Variants in GHITM observed in about 807,000 individuals in gnomAD.
The protein encoded by GHITM is growth hormone-inducible transmembrane protein.
A neutral mutation model predicts 38.7 loss-of-function variants in GHITM; 24 were observed. The observed-to-expected ratio is 0.62, with a 90% confidence interval of 0.45 to 0.87. GHITM has a LOEUF of 0.87. Ranked by LOEUF, GHITM falls within the 40% of genes least tolerant of loss-of-function variation. The pLI is 0.00. For synonymous variants in GHITM, 154 were observed against 147.8 expected, an observed-to-expected ratio of 1.04 and a Z score of -0.30; for missense variants, 420 against 429.8, an observed-to-expected ratio of 0.98 and a Z score of 0.20.
At chr10:84,141,934 A>T (rs1400497903) in intron 2 of GHITM, among the ~76,000 whole-genome samples, 10 of 120,058 alleles carry the variant, frequency 8.3e-5, no homozygotes, top group African/African-American at 5.4e-4. Flanking sequence ...TGGAGCACAT[A>T]GTCAGAAGTT....
At chr10:84,146,787 A>G (rs565757025) in intron 5 of GHITM, among the ~76,000 whole-genome samples, 2 of 152,334 alleles carry the variant, frequency 1.3e-5, no homozygotes, top group South Asian at 4.1e-4. Flanking sequence ...ACCCTCTTCC[A>G]CTGTTAGTAA....
chr10:84,153,155 A>G lies in GHITM; in HGVS notation c.*807A>G, dbSNP rs1440696495. ...CATGAAATATGTTGCTTTTTCCAGA[A>G]TACAAACAGTATACTCATGATTGCT... On this transcript the variant is annotated 3_prime_UTR_variant, in exon 9 of 9. Coordinates refer to ENST00000372134, the MANE Select transcript of GHITM (RefSeq NM_014394.3). 2.0e-5 allele frequency: 3 copies of G among 152,372 alleles called. No individual in the cohort carries two copies. Among genetic ancestry groups the G allele is most frequent in the Non-Finnish European group, 4.4e-5 (3 of 68,030 alleles). The allele number at this position is 152,372 out of a possible 1,614,324, so 9.4% of individuals were successfully genotyped here. A position where few individuals can be genotyped will look rare whatever the true frequency, so the allele number is the denominator to read the frequency against.
chr10:84,146,730 A>C (rs1407736619), intron 5 of GHITM, among the ~76,000 whole-genome samples: 2 of 152,222 alleles, frequency 1.3e-5, no homozygotes, highest in African/African-American at 4.8e-5. Flanking sequence ...GCTTCAAAGA[A>C]GTTTTGTGTT....
At chr10:84,145,721 G>A (rs1841550412) in intron 5 of GHITM, among the ~76,000 whole-genome samples, 1 of 152,206 alleles carries the variant, frequency 6.6e-6, no homozygotes, top group Non-Finnish European at 1.5e-5. Flanking sequence ...ATTTGAATAT[G>A]TGTCCCCTAT....
chr10:84,142,019 G>A (rs1257471018), intron 2 of GHITM, among the ~76,000 whole-genome samples: 1 of 152,140 alleles, frequency 6.6e-6, no homozygotes, highest in African/African-American at 2.4e-5. Flanking sequence ...CTTATTTAGA[G>A]GTTGATAATA....
At chr10:84,151,165 T>G (rs1841608432) in intron 8 of GHITM, among the ~76,000 whole-genome samples, 1 of 152,214 alleles carries the variant, frequency 6.6e-6, no homozygotes, top group Admixed American at 6.5e-5. Context: ...ATTCCTTGGC[T>G]TGTAGATGGA....
intron 1 of GHITM, 103 bp from the exon 2 acceptor site, chr10:84,141,358 TA>T (rs1367907343): frequency 1.4e-5 from 9 of 629,682 alleles, no homozygotes; most frequent in Non-Finnish European, 1.9e-5. Flanking sequence ...TACTAAAAAA[TA>T]GTTTGTTCCT....
At chr10:84,143,906 G>T in intron 3 of GHITM, 89 bp from the exon 4 acceptor site, 1 of 912,784 alleles carries the variant, frequency 1.1e-6, no homozygotes, top group Non-Finnish European at 1.8e-6. Context: ...TATTAAATAT[G>T]GTACATGATT....
chr10:84,149,476 G>A (rs954405886), intron 6 of GHITM, among the ~76,000 whole-genome samples: 5 of 151,922 alleles, frequency 3.3e-5, no homozygotes, highest in Non-Finnish European at 7.4e-5. Flanking sequence ...CTGAAATAAT[G>A]CATTATCTAA....
intron 6 of GHITM, among the ~76,000 whole-genome samples, chr10:84,149,760 G>A (rs1270541663): frequency 1.3e-5 from 2 of 152,142 alleles, no homozygotes; most frequent in Non-Finnish European, 2.9e-5. Flanking sequence ...GTAGAAACTA[G>A]TGGTAAGCTC....
At chr10:84,143,853 A>G (rs1259189624) in intron 3 of GHITM, 142 bp from the exon 4 acceptor site, 1 of 609,290 alleles carries the variant, frequency 1.6e-6, no homozygotes, top group East Asian at 2.7e-5. Flanking sequence ...GTTACCTAAC[A>G]TTGAGGCAAT....
intron 5 of GHITM, among the ~76,000 whole-genome samples, chr10:84,147,379 A>C (rs1393394901): frequency 6.6e-6 from 1 of 152,224 alleles, no homozygotes; most frequent in Non-Finnish European, 1.5e-5. Flanking sequence ...TTACAGGTCC[A>C]TACCACTACA....
intron 1 of GHITM, chr10:84,140,412 C>G (rs1465277132): frequency 6.6e-6 from 1 of 152,066 alleles, no homozygotes; most frequent in Non-Finnish European, 1.5e-5. Flanking sequence ...GGTCTTATTC[C>G]TAGGGGTAGA....
chr10:84,144,584 C>G (rs767343257), intron 4 of GHITM, among the ~76,000 whole-genome samples: 3 of 152,100 alleles, frequency 2.0e-5, no homozygotes, highest in Non-Finnish European at 2.9e-5. Context: ...GATCTCCTGA[C>G]CTCAGGTGAT....
At chr10:84,149,058 C>G (rs1035566802) in intron 6 of GHITM, among the ~76,000 whole-genome samples, 3 of 152,174 alleles carry the variant, frequency 2.0e-5, no homozygotes, top group African/African-American at 4.8e-5. Flanking sequence ...TATCTTCTGA[C>G]AGTCTAGTAT....
At position 84,144,934 on chromosome 10, in the gene GHITM, G is replaced by A. The variant is rs1200178537; in HGVS notation, c.401G>A (p.Ser134Asn). ...IHSTYMYLAG[S>N]IGLTALSAIA... is the part of the protein sequence containing the mutation. ...TCCACCTATATGTACTTAGCAGGGA[G>A]TATTGGTTTAACAGCTTTGTCTGCC... Residue 134 changes from serine (S) to asparagine (N), a missense_variant, in exon 5 of 9, where the codon AGT (serine) becomes AAT (asparagine). Transcript: ENST00000372134. 1.9e-6 allele frequency: 3 copies of A among 1,610,834 alleles called. No individual in the cohort carries two copies. Among genetic ancestry groups the A allele is most frequent in the African/African-American group, 2.7e-5 (2 of 74,854 alleles).
intron 5 of GHITM, among the ~76,000 whole-genome samples, chr10:84,146,042 A>G (rs1841553660): frequency 6.6e-6 from 1 of 152,180 alleles, no homozygotes; most frequent in African/African-American, 2.4e-5. Context: ...ATTTTTAAAG[A>G]AATAGAAAAT....
intron 8 of GHITM, 38 bp from the exon 9 acceptor site, chr10:84,152,226 A>G (rs1466739048): frequency 3.3e-6 from 3 of 916,038 alleles, no homozygotes; most frequent in Non-Finnish European, 5.3e-6. Flanking sequence ...CACTATTAGA[A>G]TTGCATCATA....
At chr10:84,140,439 A>G (rs1481942793) in intron 1 of GHITM, 1 of 152,184 alleles carries the variant, frequency 6.6e-6, no homozygotes, top group East Asian at 1.9e-4. Flanking sequence ...AGGAGCAAAG[A>G]AAGACCCAGG....
Sources: gnomAD v4.1 joint callset for allele counts (sites outside exome capture counted in the v4.1 genomes callset) on GRCh38, gnomAD v4.1.1 for gene constraint, MANE v1.5 for transcripts, NCBI Gene and HGNC (gene_info 2026-07-23, HGNC 2026-07-21) for gene names.